The following MSRA variants were observed in gnomAD, a reference collection of about 807,000 sequenced individuals.
The protein encoded by MSRA is methionine sulfoxide reductase A.
In MSRA, 54 loss-of-function variants were observed where a neutral mutation model predicts 31.3. The ratio of observed to expected loss-of-function variants is 1.73; its 90% CI spans 1.39 to 2.17. The LOEUF is 2.17. MSRA is among the 30% of genes most tolerant of loss of function. The probability of loss-of-function intolerance (pLI) is 0.00; values close to 1 mark genes in which losing one functional copy is unlikely to be tolerated. For synonymous variants in MSRA, 169 were observed against 116.5 expected, an observed-to-expected ratio of 1.45 and a Z score of -2.90; for missense variants, 507 against 300.9, an observed-to-expected ratio of 1.69 and a Z score of -5.07.
intron 1 of MSRA, among the ~76,000 whole-genome samples, chr8:10,099,898 T>C (rs1187808782): frequency 1.3e-5 from 2 of 152,196 alleles, no homozygotes; most frequent in African/African-American, 2.4e-5. Flanking sequence ...TATTGTACTT[T>C]AGGACTTGGT....
intron 1 of MSRA, among the ~76,000 whole-genome samples, chr8:10,055,496 CGCA>C (rs558949627): frequency 1.3e-5 from 2 of 152,220 alleles, no homozygotes; most frequent in Non-Finnish European, 2.9e-5. Context: ...CCCCACCTGC[CGCA>C]GCAGCAGCAG....
intron 1 of MSRA, among the ~76,000 whole-genome samples, chr8:10,072,670 G>A (rs1036235360): frequency 3.9e-5 from 6 of 152,206 alleles, no homozygotes; most frequent in African/African-American, 1.4e-4. Flanking sequence ...GATTTTGATA[G>A]GAATTGCATT....
intron 5 of MSRA, among the ~76,000 whole-genome samples, chr8:10,332,479 T>C (rs1049422808): frequency 6.8e-6 from 1 of 146,426 alleles, no homozygotes; most frequent in African/African-American, 2.6e-5. Context: ...TGCCTAGCAA[T>C]AGGGATAAAA....
intron 1 of MSRA, among the ~76,000 whole-genome samples, chr8:10,110,833 C>G (rs556065142): frequency 1.2e-4 from 18 of 152,264 alleles, no homozygotes. Flanking sequence ...AATCTAATTT[C>G]GACACGTGGC....
intron 1 of MSRA, among the ~76,000 whole-genome samples, chr8:10,174,944 G>A (rs538425126): frequency 8.5e-5 from 13 of 152,214 alleles, no homozygotes; most frequent in Non-Finnish European, 1.6e-4. Flanking sequence ...CAGCCTTGCC[G>A]ATCTTGCCCC....
chr8:10,280,488 A>G (rs1563303386), intron 3 of MSRA, among the ~76,000 whole-genome samples: 1 of 152,200 alleles, frequency 6.6e-6, no homozygotes, highest in Non-Finnish European at 1.5e-5. Context: ...AGTTATTTAA[A>G]GTTACCTTTT....
At chr8:10,236,568 G>A (rs961196996) in intron 2 of MSRA, among the ~76,000 whole-genome samples, 1 of 152,110 alleles carries the variant, frequency 6.6e-6, no homozygotes, top group Non-Finnish European at 1.5e-5. Context: ...TTCTTGCGAT[G>A]GAGTCTCACT....
At chr8:10,175,728 C>A (rs1805990655) in intron 1 of MSRA, among the ~76,000 whole-genome samples, 1 of 152,182 alleles carries the variant, frequency 6.6e-6, no homozygotes, top group Admixed American at 6.5e-5. Context: ...TCCATCCAGT[C>A]CTTGTACATA....
intron 5 of MSRA, among the ~76,000 whole-genome samples, chr8:10,351,918 G>T (rs1024123493): frequency 2.6e-5 from 4 of 152,210 alleles, no homozygotes; most frequent in African/African-American, 9.6e-5. Context: ...CTGTCCGACG[G>T]CCACATTTAA....
chr8:10,289,830 T>C (rs1800137001), intron 3 of MSRA, among the ~76,000 whole-genome samples: 1 of 152,200 alleles, frequency 6.6e-6, no homozygotes, highest in African/African-American at 2.4e-5. Context: ...TTGTTCTGTT[T>C]GTACTAACAT....
At chr8:10,422,794 G>C (rs2129196420) in intron 5 of MSRA, among the ~76,000 whole-genome samples, 1 of 152,322 alleles carries the variant, frequency 6.6e-6, no homozygotes. Context: ...CCTATGCAGA[G>C]GCAGGCCCTG....
chr8:10,071,597 G>T (rs1445121513), intron 1 of MSRA, among the ~76,000 whole-genome samples: 1 of 151,538 alleles, frequency 6.6e-6, no homozygotes, highest in East Asian at 1.9e-4. Context: ...TGATCCTGGA[G>T]ATTTTTTCCT....
At chr8:10,281,706 C>T (rs1799632463) in intron 3 of MSRA, among the ~76,000 whole-genome samples, 1 of 152,120 alleles carries the variant, frequency 6.6e-6, no homozygotes, top group South Asian at 2.1e-4. Context: ...TGGAGTGGCT[C>T]CTCTGTGGGG....
rs926617309 is a variant in MSRA, at chr8:10,081,697, C to G, written c.142+27039C>G. Among the ~76,000 whole-genome samples the G allele has an allele frequency of 2.6e-5, 4 of 152,112 alleles. 1 individual carries two copies. In the South Asian group the frequency reaches 8.3e-4, roughly 32 times the overall value. ...TAGAGACGGGGTTTCACCATATTGG[C>G]CAGACTGGTCTCAAACTCCTGACCT... On this transcript the variant is annotated intron_variant, in intron 1 of 5. Transcript: ENST00000317173.
intron 5 of MSRA, among the ~76,000 whole-genome samples, chr8:10,406,000 C>G (rs1184889533): frequency 1.3e-5 from 2 of 152,268 alleles, no homozygotes; most frequent in African/African-American, 2.4e-5. Flanking sequence ...TATTCACCAT[C>G]TGTCCTCCAG....
At chr8:10,114,750 A>G (rs1800555914) in intron 1 of MSRA, among the ~76,000 whole-genome samples, 1 of 152,214 alleles carries the variant, frequency 6.6e-6, no homozygotes, top group South Asian at 2.1e-4. Flanking sequence ...AATTTACTAA[A>G]GGGAAGAAAG....
intron 2 of MSRA, among the ~76,000 whole-genome samples, chr8:10,212,920 T>C (rs1158475185): frequency 1.3e-5 from 2 of 152,184 alleles, no homozygotes; most frequent in Admixed American, 6.5e-5. Flanking sequence ...GGGTACATAG[T>C]AGGTATATAT....
At chr8:10,294,730 A>G (rs900185821) in intron 3 of MSRA, among the ~76,000 whole-genome samples, 1 of 152,158 alleles carries the variant, frequency 6.6e-6, no homozygotes, top group Non-Finnish European at 1.5e-5. Context: ...GGGCTACAGC[A>G]GAGCCCAGTT....
chr8:10,231,679 G>T (rs976007867), intron 2 of MSRA, among the ~76,000 whole-genome samples: 1 of 152,162 alleles, frequency 6.6e-6, no homozygotes, highest in Non-Finnish European at 1.5e-5. Context: ...GAGGTGGGCA[G>T]ATTACCTGAG....
Sources: allele counts gnomAD v4.1 joint callset (sites outside exome capture counted in the v4.1 genomes callset), GRCh38; gene constraint gnomAD v4.1.1; transcripts MANE v1.5; gene names NCBI Gene and HGNC (gene_info 2026-07-23, HGNC 2026-07-21).